RAB27B: variants seen among roughly 807,000 people sequenced by gnomAD.
RAB27B encodes ras-related protein Rab-27B.
In RAB27B, 15 loss-of-function variants were observed where a neutral mutation model predicts 24.6. The observed-to-expected ratio is 0.61, with a 90% confidence interval of 0.41 to 0.94. The LOEUF is 0.94. RAB27B is among the 40% of genes least tolerant of loss of function. The probability of loss-of-function intolerance (pLI) is 0.00; values close to 1 mark genes in which losing one functional copy is unlikely to be tolerated. For missense variants in RAB27B, 261 were observed against 266.8 expected (o/e 0.98, Z 0.15); for synonymous variants, 105 against 92.5 (o/e 1.14, Z -0.78).
chr18:54,833,115 G>A (rs1232663951), intron 1 of RAB27B, among the ~76,000 whole-genome samples: 2 of 152,162 alleles, frequency 1.3e-5, no homozygotes, highest in Non-Finnish European at 2.9e-5. Flanking sequence ...TGCACAGTGA[G>A]CCGAAGCTTG....
intron 2 of RAB27B, among the ~76,000 whole-genome samples, chr18:54,726,523 G>C (rs1043450768): frequency 6.6e-6 from 1 of 151,404 alleles, no homozygotes; most frequent in Non-Finnish European, 1.5e-5. Flanking sequence ...ATTCAGCAGA[G>C]TTGATTTCAA....
intron 2 of RAB27B, among the ~76,000 whole-genome samples, chr18:54,773,213 G>A (rs1009593739): frequency 3.3e-5 from 5 of 152,172 alleles, no homozygotes; most frequent in Admixed American, 6.5e-5. Flanking sequence ...CAAGTAAATA[G>A]TTAGAGTGAT....
At chr18:54,764,627 A>AATCC (rs1379347398) in intron 2 of RAB27B, among the ~76,000 whole-genome samples, 4 of 152,082 alleles carry the variant, frequency 2.6e-5, no homozygotes, top group Admixed American at 2.6e-4. Flanking sequence ...CCCAACACAG[A>AATCC]ATCCCTCCAC....
At chr18:54,732,460 G>C (rs933992174) in intron 2 of RAB27B, among the ~76,000 whole-genome samples, 1 of 152,150 alleles carries the variant, frequency 6.6e-6, no homozygotes, top group African/African-American at 2.4e-5. Context: ...AAGTGGTCAG[G>C]TGCAGAGTCC....
chr18:54,730,664 A>G (rs1909701573), intron 2 of RAB27B, among the ~76,000 whole-genome samples: 1 of 149,412 alleles, frequency 6.7e-6, no homozygotes. Context: ...ATGGAGCCTG[A>G]CTCCTCCTCC....
chr18:54,870,586 TG>T (rs1912423083), intron 1 of RAB27B, among the ~76,000 whole-genome samples: 1 of 152,154 alleles, frequency 6.6e-6, no homozygotes, highest in Admixed American at 6.5e-5. Context: ...AGGAAGGATA[TG>T]ATTGTACATC....
chr18:54,801,025 T>C (rs1288726848), intron 2 of RAB27B, among the ~76,000 whole-genome samples: 2 of 145,892 alleles, frequency 1.4e-5, no homozygotes, highest in East Asian at 2.0e-4. Flanking sequence ...TTTTTTTTTT[T>C]TTTTTTTAAC....
At chr18:54,802,945 G>C (rs985586450) in intron 2 of RAB27B, among the ~76,000 whole-genome samples, 2 of 152,088 alleles carry the variant, frequency 1.3e-5, no homozygotes, top group African/African-American at 2.4e-5. Context: ...TCAGTCCTTT[G>C]CTTACATAAG....
chr18:54,733,200 C>T (rs1909780224), intron 2 of RAB27B, among the ~76,000 whole-genome samples: 2 of 152,066 alleles, frequency 1.3e-5, no homozygotes, highest in Non-Finnish European at 2.9e-5. Flanking sequence ...TGCATACCAC[C>T]ATGCCTGGCT....
At chr18:54,739,552 CTT>C (rs543711683) in intron 2 of RAB27B, among the ~76,000 whole-genome samples, 7 of 134,970 alleles carry the variant, frequency 5.2e-5, no homozygotes, top group African/African-American at 5.5e-5. Flanking sequence ...TTTTTTCTTT[CTT>C]TTTTTTTTTT....
At chr18:54,865,202 T>A (rs1180041217) in intron 1 of RAB27B, among the ~76,000 whole-genome samples, 2 of 151,740 alleles carry the variant, frequency 1.3e-5, no homozygotes, top group East Asian at 3.9e-4. Context: ...ATTCCTAATT[T>A]TTTATATTTT....
intron 2 of RAB27B, among the ~76,000 whole-genome samples, chr18:54,790,987 G>A (rs8098424): frequency 0.41 from 62,454 of 151,898 alleles, 13,056 homozygotes; most frequent in South Asian, 0.52. Context: ...TTTTTCTGTT[G>A]CTAAGACTAT....
chr18:54,867,423 C>CTTTCG (rs1912275672), intron 1 of RAB27B, among the ~76,000 whole-genome samples: 1 of 124,796 alleles, frequency 8.0e-6, no homozygotes, highest in Non-Finnish European at 1.6e-5. Context: ...AAGCCTGATG[C>CTTTCG]TTTCTTTTCT....
At chr18:54,869,246 G>A (rs944496911) in intron 1 of RAB27B, among the ~76,000 whole-genome samples, 1 of 152,124 alleles carries the variant, frequency 6.6e-6, no homozygotes, top group Admixed American at 6.5e-5. Flanking sequence ...GCTGGTTTGG[G>A]TCCTGCTGAG....
chr18:54,745,783 TTTA>T (rs1289533934), intron 2 of RAB27B, among the ~76,000 whole-genome samples: 57 of 147,020 alleles, frequency 3.9e-4, no homozygotes, highest in Non-Finnish European at 7.2e-4. Context: ...TTTATAAATA[TTTA>T]TTATTTATAT....
At chr18:54,785,343 C>A (rs1766327613) in intron 2 of RAB27B, among the ~76,000 whole-genome samples, 2 of 151,562 alleles carry the variant, frequency 1.3e-5, no homozygotes, top group South Asian at 4.2e-4. Flanking sequence ...CTCAAATGAT[C>A]TGCCTGTCTC....
intron 1 of RAB27B, among the ~76,000 whole-genome samples, chr18:54,832,681 G>A (rs1264210433): frequency 2.0e-5 from 3 of 152,134 alleles, no homozygotes; most frequent in African/African-American, 7.2e-5. Flanking sequence ...TCAGTAAAAA[G>A]CCATTCAAGT....
intron 2 of RAB27B, among the ~76,000 whole-genome samples, chr18:54,772,855 T>C (rs1338561009): frequency 6.6e-6 from 1 of 152,198 alleles, no homozygotes; most frequent in Non-Finnish European, 1.5e-5. Flanking sequence ...CTGTCCTTCA[T>C]GGTTTCATCT....
At chr18:54,749,176 A>T (rs935251913) in intron 2 of RAB27B, among the ~76,000 whole-genome samples, 9 of 152,136 alleles carry the variant, frequency 5.9e-5, no homozygotes, top group African/African-American at 2.2e-4. Flanking sequence ...AGACAATCGC[A>T]TTTCTTTTGC....
Sources: gnomAD v4.1 joint callset for allele counts (sites outside exome capture counted in the v4.1 genomes callset) on GRCh38, gnomAD v4.1.1 for gene constraint, MANE v1.5 for transcripts, NCBI Gene and HGNC (gene_info 2026-07-23, HGNC 2026-07-21) for gene names.